The following PARD3B variants were observed in gnomAD, a reference collection of about 807,000 sequenced individuals.
The protein encoded by PARD3B is partitioning defective 3 homolog B.
PARD3B carries 103 observed loss-of-function variants against 130.2 expected under a neutral mutation model. That is an observed-to-expected ratio of 0.79 (90% CI 0.67 to 0.93). PARD3B has a LOEUF of 0.93. Ranked by LOEUF, PARD3B falls within the 40% of genes least tolerant of loss-of-function variation. The probability of loss-of-function intolerance (pLI) is 0.00; values close to 1 mark genes in which losing one functional copy is unlikely to be tolerated. For missense variants in PARD3B, 1,609 were observed against 1,499.2 expected, an observed-to-expected ratio of 1.07 and a Z score of -1.21; for synonymous variants, 583 against 553.2, an observed-to-expected ratio of 1.05 and a Z score of -0.76.
In PARD3B at chr2:205,193,089, T is replaced by C. The variant is rs189628765; in HGVS notation, c.2025-116T>C. 4.8e-6 allele frequency: 3 copies of C among 624,090 alleles called. No individual in the cohort carries two copies. The East Asian group carries it at 8.3e-5, about 17-fold the overall frequency. 38.7% of individuals were successfully genotyped at this position (624,090 alleles called of 1,614,324 possible). ...GAGATTTAAGAATTAGTTGAAAATA[T>C]GTGGTTGGGAGCTGCGCAGAGTGAT... On this transcript the variant is annotated intron_variant, in intron 14 of 22. Coordinates refer to ENST00000406610, the MANE Select transcript of PARD3B (RefSeq NM_001302769.2).
intron 18 of PARD3B, among the ~76,000 whole-genome samples, chr2:205,322,641 TG>T (rs2042790140): frequency 2.0e-5 from 3 of 152,152 alleles, no homozygotes; most frequent in Admixed American, 2.0e-4. Context: ...AGTTTGATTC[TG>T]GGTGAAACAA....
rs112781376 is a variant in PARD3B at position 205,390,724 on chromosome 2, T to TA, written c.2631-10278dup. On this transcript the variant is annotated intron_variant, in intron 18 of 22. Coordinates refer to ENST00000406610, the MANE Select transcript of PARD3B (RefSeq NM_001302769.2). Reference sequence around the variant, plus strand: ...AAAATGGTCCTTTGCAAGGTAATTATAAAAAAAAAAATCATTTCTTCATAT... The same window carrying TA: ...AAAATGGTCCTTTGCAAGGTAATTATAAAAAAAAAAAATCATTTCTTCATAT... 1.2e-3 allele frequency among the ~76,000 whole-genome samples: 180 copies of TA among 147,434 alleles called. 1 individual carries two copies. The highest frequency in any genetic ancestry group is 6.9e-3 in the Middle Eastern group (2 of 288).
At chr2:205,466,986 C>G (rs1474614404) in intron 20 of PARD3B, among the ~76,000 whole-genome samples, 1 of 152,182 alleles carries the variant, frequency 6.6e-6, no homozygotes, top group Admixed American at 6.5e-5. Context: ...GTGCTGGGAT[C>G]ACAGGCGTGA....
At chr2:205,513,849 A>G (rs2050686249) in intron 21 of PARD3B, among the ~76,000 whole-genome samples, 1 of 152,106 alleles carries the variant, frequency 6.6e-6, no homozygotes, top group Non-Finnish European at 1.5e-5. Flanking sequence ...GAATAAATTG[A>G]TAAGCGAATG....
chr2:205,018,746 A>AAAAAAAAAAAAAAAC (rs1696358857), intron 3 of PARD3B, among the ~76,000 whole-genome samples: 1 of 148,416 alleles, frequency 6.7e-6, no homozygotes, highest in Non-Finnish European at 1.5e-5. Context: ...AAAAAAAAAA[A>AAAAAAAAAAAAAAAC]AAAAGCACGC....
chr2:205,226,263 G>C lies in PARD3B; in HGVS notation c.2141-19515G>C, dbSNP rs191492806. 4.6e-3 allele frequency among the ~76,000 whole-genome samples: 700 copies of C among 152,178 alleles called. 3 individuals carry two copies. Among genetic ancestry groups the C allele is most frequent in the African/African-American group, 0.014 (567 of 41,522 alleles). On this transcript the variant is annotated intron_variant, in intron 15 of 22. Transcript: ENST00000406610. The stretch of plus-strand genomic sequence containing the variant: ...TCATCGTGTTAGCCAGGATGGTCTC[G>C]ATCTCCTGATCTTGTGATCCGCCCG...
intron 2 of PARD3B, among the ~76,000 whole-genome samples, chr2:204,816,872 G>T (rs2043167171): frequency 2.0e-5 from 3 of 151,778 alleles, no homozygotes; most frequent in Non-Finnish European, 4.4e-5. Flanking sequence ...TGTGTATTCA[G>T]CTCCTTTAAG....
At chr2:204,898,611 C>T (rs6709217) in intron 2 of PARD3B, among the ~76,000 whole-genome samples, 148,127 of 152,224 alleles carry the variant, frequency 0.97, 72,155 homozygotes, top group African/African-American at 1. Flanking sequence ...TTGGGTGAAA[C>T]GTTCTGTAAA....
chr2:204,904,722 A>T (rs13426874), intron 2 of PARD3B, among the ~76,000 whole-genome samples: 4,111 of 151,778 alleles, frequency 0.027, 87 homozygotes, highest in Middle Eastern at 0.051. Flanking sequence ...TTTGTTTTTT[A>T]TAATTTTCCA....
intron 4 of PARD3B, among the ~76,000 whole-genome samples, chr2:205,099,704 C>T (rs1245990960): frequency 6.6e-6 from 1 of 152,100 alleles, no homozygotes; most frequent in Non-Finnish European, 1.5e-5. Flanking sequence ...GCTTTATGTC[C>T]TTATAGGATG....
chr2:204,899,657 A>T (rs1186768122), intron 2 of PARD3B, among the ~76,000 whole-genome samples: 1 of 152,196 alleles, frequency 6.6e-6, no homozygotes, highest in African/African-American at 2.4e-5. Context: ...GTCACACAAC[A>T]TAATTACAGT....
chr2:205,372,167 A>G (rs1574836229), intron 18 of PARD3B, among the ~76,000 whole-genome samples: 1 of 152,166 alleles, frequency 6.6e-6, no homozygotes, highest in Admixed American at 6.5e-5. Flanking sequence ...TTTCATAGAT[A>G]TATATTTAAG....
intron 14 of PARD3B, among the ~76,000 whole-genome samples, chr2:205,186,147 C>T (rs1249196989): frequency 1.3e-5 from 2 of 151,894 alleles, no homozygotes; most frequent in Admixed American, 1.3e-4. Context: ...AAACTAGAGC[C>T]ATGGAGCTCA....
intron 2 of PARD3B, among the ~76,000 whole-genome samples, chr2:204,908,084 T>C (rs2047099818): frequency 6.6e-6 from 1 of 152,214 alleles, no homozygotes; most frequent in African/African-American, 2.4e-5. Flanking sequence ...CCAGCCTCTC[T>C]ATCATAATAA....
intron 1 of PARD3B, among the ~76,000 whole-genome samples, chr2:204,676,103 C>T (rs2036525209): frequency 1.3e-5 from 2 of 150,334 alleles, no homozygotes; most frequent in South Asian, 4.2e-4. Flanking sequence ...CTTGAAAATT[C>T]CAAGTATTTT....
intron 2 of PARD3B, among the ~76,000 whole-genome samples, chr2:204,766,270 C>A (rs1346881344): frequency 6.6e-6 from 1 of 152,110 alleles, no homozygotes; most frequent in East Asian, 1.9e-4. Flanking sequence ...GTACTTAATA[C>A]TTATGTGTTT....
intron 3 of PARD3B, among the ~76,000 whole-genome samples, chr2:204,970,628 A>AT (rs1050434274): frequency 2.6e-5 from 4 of 151,998 alleles, no homozygotes; most frequent in African/African-American, 4.8e-5. Context: ...CCTTTTGATA[A>AT]TTTTTTTCAG....
chr2:204,982,938 G>A (rs867680065), intron 3 of PARD3B, among the ~76,000 whole-genome samples: 8 of 152,168 alleles, frequency 5.3e-5, no homozygotes, highest in South Asian at 2.1e-4. Flanking sequence ...AAAGGAGAAC[G>A]AATATAATTA....
chr2:205,574,414 G>A (rs368726673), intron 22 of PARD3B, among the ~76,000 whole-genome samples: 3 of 152,138 alleles, frequency 2.0e-5, no homozygotes, highest in Admixed American at 1.3e-4. Context: ...TCTATGCTAC[G>A]CCATCTGTGT....
Sources: allele counts gnomAD v4.1 joint callset (sites outside exome capture counted in the v4.1 genomes callset), GRCh38; gene constraint gnomAD v4.1.1; transcripts MANE v1.5; gene names NCBI Gene and HGNC (gene_info 2026-07-23, HGNC 2026-07-21).